KCNIP4: variants seen among roughly 807,000 people sequenced by gnomAD.
KCNIP4 encodes the protein Kv channel-interacting protein 4.
KCNIP4 carries 12 observed loss-of-function variants against 34.0 expected under a neutral mutation model. The observed-to-expected ratio is 0.35, with a 90% CI of 0.23 to 0.57. The LOEUF is 0.57. KCNIP4 is among the 20% of genes least tolerant of loss of function. The probability of loss-of-function intolerance (pLI) is 0.83; values close to 1 mark genes in which losing one functional copy is unlikely to be tolerated. For missense variants in KCNIP4, 238 were observed against 311.7 expected, an observed-to-expected ratio of 0.76 and a Z score of 1.78; for synonymous variants, 124 against 102.2, an observed-to-expected ratio of 1.21 and a Z score of -1.29.
chr4:21,472,837 C>G (rs774091709), intron 1 of KCNIP4, among the ~76,000 whole-genome samples: 2 of 152,116 alleles, frequency 1.3e-5, no homozygotes, highest in African/African-American at 4.8e-5. Context: ...TTAAAAATCC[C>G]TATATTCTAA....
At chr4:21,026,860 C>T (rs960375195) in intron 1 of KCNIP4, among the ~76,000 whole-genome samples, 1 of 152,026 alleles carries the variant, frequency 6.6e-6, no homozygotes, top group Non-Finnish European at 1.5e-5. Flanking sequence ...GTCATAGTCA[C>T]GTGAGTGTGT....
At chr4:21,398,188 C>G (rs186350342) in intron 1 of KCNIP4, among the ~76,000 whole-genome samples, 41 of 152,308 alleles carry the variant, frequency 2.7e-4, no homozygotes, top group Admixed American at 2.2e-3. Context: ...ATGATGAAAA[C>G]TGCCTTTGAA....
At position 21,118,032 on chromosome 4, in the gene KCNIP4, G is replaced by A. The variant is rs142912562; in HGVS notation, c.62-235323C>T. On this transcript the variant is annotated intron_variant, in intron 1 of 8. Coordinates refer to ENST00000382152, the MANE Select transcript of KCNIP4 (RefSeq NM_025221.6). ...TTCAAGGAGTTAATAACCTGGGGTG[G>A]GTGAGAGGAGGATAGGCATGTGGAA... Among the ~76,000 whole-genome samples, 500 of 152,248 alleles carry A rather than the reference G, an allele frequency of 3.3e-3. 1 individual carries two copies. Among genetic ancestry groups the A allele is most frequent in the African/African-American group, 0.011 (454 of 41,524 alleles).
chr4:21,243,215 T>C (rs73249518), intron 1 of KCNIP4, among the ~76,000 whole-genome samples: 9,238 of 152,202 alleles, frequency 0.061, 333 homozygotes, highest in East Asian at 0.14. Flanking sequence ...CCTCTCTTTA[T>C]GATACATATA....
At chr4:21,107,500 C>T (rs2109089439) in intron 1 of KCNIP4, among the ~76,000 whole-genome samples, 1 of 150,966 alleles carries the variant, frequency 6.6e-6, no homozygotes, top group South Asian at 2.1e-4. Context: ...TGTCTCTGCA[C>T]ATGAGATGGG....
At chr4:21,944,556 CAA>C (rs5856680) in intron 1 of KCNIP4, among the ~76,000 whole-genome samples, 8,327 of 103,664 alleles carry the variant, frequency 0.08, 354 homozygotes, top group African/African-American at 0.27. Flanking sequence ...GACTCCGTCT[CAA>C]AAAAAAAAAA....
chr4:20,791,607 TAAA>T (rs1712766536), intron 3 of KCNIP4, among the ~76,000 whole-genome samples: 2 of 152,156 alleles, frequency 1.3e-5, no homozygotes, highest in Non-Finnish European at 2.9e-5. Context: ...TGTGAAAAGT[TAAA>T]GATGTTTGCT....
intron 1 of KCNIP4, among the ~76,000 whole-genome samples, chr4:21,529,419 A>G (rs947772630): frequency 2.0e-5 from 3 of 152,204 alleles, no homozygotes; most frequent in Admixed American, 2.0e-4. Context: ...TCAGGTTAAG[A>G]TAAGTTCAGG....
intron 3 of KCNIP4, among the ~76,000 whole-genome samples, chr4:20,820,952 G>A (rs1717030449): frequency 6.6e-6 from 1 of 152,224 alleles, no homozygotes; most frequent in Non-Finnish European, 1.5e-5. Context: ...GAGTGCCCAA[G>A]CTGTGGAGGC....
chr4:21,907,279 G>C (rs1360140279), intron 1 of KCNIP4, among the ~76,000 whole-genome samples: 3 of 152,108 alleles, frequency 2.0e-5, no homozygotes, highest in Admixed American at 6.6e-5. Flanking sequence ...AGAGTGGGTT[G>C]CTATAAAGCA....
At chr4:20,991,157 G>A (rs910035286) in intron 1 of KCNIP4, among the ~76,000 whole-genome samples, 1 of 152,186 alleles carries the variant, frequency 6.6e-6, no homozygotes, top group African/African-American at 2.4e-5. Context: ...TTACATTGGA[G>A]GGGAAGTATG....
intron 3 of KCNIP4, among the ~76,000 whole-genome samples, chr4:20,813,266 G>T (rs1311986461): frequency 6.6e-6 from 1 of 152,160 alleles, no homozygotes; most frequent in Non-Finnish European, 1.5e-5. Flanking sequence ...GAATGACTTT[G>T]CAACATTGCC....
chr4:21,459,926 T>C (rs948021489), intron 1 of KCNIP4, among the ~76,000 whole-genome samples: 1 of 151,806 alleles, frequency 6.6e-6, no homozygotes, highest in African/African-American at 2.4e-5. Flanking sequence ...TTCCAGGTGG[T>C]CTCCCTGGAA....
At chr4:21,883,630 A>G (rs1040885563) in intron 1 of KCNIP4, among the ~76,000 whole-genome samples, 2 of 152,152 alleles carry the variant, frequency 1.3e-5, no homozygotes, top group Non-Finnish European at 2.9e-5. Flanking sequence ...CAGACACATA[A>G]TCCCAATTAA....
intron 1 of KCNIP4, among the ~76,000 whole-genome samples, chr4:21,779,732 ATACC>A (rs1357707244): frequency 2.6e-5 from 4 of 152,042 alleles, no homozygotes; most frequent in Non-Finnish European, 1.5e-5. Context: ...GCAAGATCCC[ATACC>A]TACTACACGT....
At chr4:21,116,134 G>C (rs553199485) in intron 1 of KCNIP4, among the ~76,000 whole-genome samples, 1 of 152,274 alleles carries the variant, frequency 6.6e-6, no homozygotes, top group African/African-American at 2.4e-5. Flanking sequence ...CACAGGCTTC[G>C]TCAAAGTCTA....
intron 1 of KCNIP4, among the ~76,000 whole-genome samples, chr4:21,119,192 T>G (rs145500099): frequency 6.6e-6 from 1 of 152,046 alleles, no homozygotes; most frequent in Non-Finnish European, 1.5e-5. Flanking sequence ...GCCCAAATGG[T>G]GGAAGAGGTA....
chr4:20,755,535 CAA>C (rs1285946690), intron 4 of KCNIP4, among the ~76,000 whole-genome samples: 1 of 152,124 alleles, frequency 6.6e-6, no homozygotes, highest in Non-Finnish European at 1.5e-5. Flanking sequence ...CAACAGTAAA[CAA>C]AGTGGAGAAA....
At chr4:21,765,819 GAAAA>G (rs374486594) in intron 1 of KCNIP4, among the ~76,000 whole-genome samples, 19,687 of 95,198 alleles carry the variant, frequency 0.21, 4,948 homozygotes, top group African/African-American at 0.57. Context: ...ACCAGGCCGT[GAAAA>G]AAAAAAAAAA....
Sources: gnomAD v4.1 joint callset for allele counts (sites outside exome capture counted in the v4.1 genomes callset) on GRCh38, gnomAD v4.1.1 for gene constraint, MANE v1.5 for transcripts, NCBI Gene and HGNC (gene_info 2026-07-23, HGNC 2026-07-21) for gene names.